The following BMP2 variants were observed in gnomAD, a reference collection of about 807,000 sequenced individuals.
The protein encoded by BMP2 is bone morphogenetic protein 2A.
BMP2 carries 2 observed loss-of-function variants against 28.8 expected under a neutral mutation model. The observed-to-expected ratio is 0.07, with a 90% CI of 0.03 to 0.22. BMP2 has a LOEUF of 0.22. Among genes scored for constraint, BMP2 ranks in the 10% least tolerant of loss-of-function variants. The pLI is 1.00. For missense variants in BMP2, 437 were observed against 517.7 expected, an observed-to-expected ratio of 0.84 and a Z score of 1.51; for synonymous variants, 218 against 204.3, an observed-to-expected ratio of 1.07 and a Z score of -0.57.
intron 2 of BMP2, among the ~76,000 whole-genome samples, chr20:6,776,666 A>G (rs1986506574): frequency 6.6e-6 from 1 of 152,216 alleles, no homozygotes; most frequent in Non-Finnish European, 1.5e-5. Flanking sequence ...ACGGTGTACA[A>G]GCTGTTTTAT....
chr20:6,779,024 G>A lies in BMP2; in HGVS notation c.1126G>A (p.Glu376Lys), dbSNP rs1356335204. Residue 376 changes from glutamate (E) to lysine (K), a missense_variant, in exon 3 of 3, where the codon GAG becomes AAG. By Grantham distance (56) the Glu-to-Lys change is moderately conservative. Transcript: ENST00000378827. The part of the protein sequence containing the change: ...LSAISMLYLD[E>K]NEKVVLKNYQ... ...TGCTATCTCGATGCTGTACCTTGAC[G>A]AGAATGAAAAGGTTGTATTAAAGAA... 1.2e-6 allele frequency: 2 copies of A among 1,613,562 alleles called. No homozygotes were observed. The highest frequency in any genetic ancestry group is 1.7e-6 in the Non-Finnish European group (2 of 1,179,904).
rs865833966 is a variant in BMP2 at position 6,779,178 on chromosome 20, T to C, written c.*89T>C. Reference sequence around the variant, plus strand: ...AACAAACAAAAAAACCCCACCCCAGTTGACACTTTAATATTTCCCAATGAA... The same window carrying C: ...AACAAACAAAAAAACCCCACCCCAGCTGACACTTTAATATTTCCCAATGAA... On this transcript the variant is annotated 3_prime_UTR_variant, in exon 3 of 3. Coordinates refer to ENST00000378827, the MANE Select transcript of BMP2 (RefSeq NM_001200.4). The C allele has an allele frequency of 1.6e-5, 9 of 576,520 alleles. No individual in the cohort carries two copies. Among genetic ancestry groups the C allele is most frequent in the African/African-American group, 1.4e-4 (7 of 51,024 alleles). 35.7% of individuals were successfully genotyped at this position (576,520 alleles called of 1,614,324 possible).
chr20:6,769,925 G>A (rs1422231356), intron 1 of BMP2, among the ~76,000 whole-genome samples, 195 bp from the exon 2 acceptor site: 1 of 152,146 alleles, frequency 6.6e-6, no homozygotes, highest in East Asian at 1.9e-4. Context: ...TAAATCATCT[G>A]GTTCAGGAAC....
intron 2 of BMP2, 81 bp downstream of exon 2, chr20:6,770,553 A>G (rs879290387): frequency 1.4e-4 from 197 of 1,389,188 alleles, no homozygotes; most frequent in Non-Finnish European, 1.9e-4. Flanking sequence ...CCGTCCCTGT[A>G]GAGGCAGCTT....
rs775995068 is a variant in BMP2, at chr20:6,778,290, G to T, written c.392G>T (p.Arg131Ile). 3.3e-5 allele frequency: 53 copies of T among 1,609,236 alleles called. No individual in the cohort carries two copies. The highest frequency in any genetic ancestry group is 4.4e-5 in the Non-Finnish European group (52 of 1,178,344). Residue 131 changes from arginine to isoleucine, a missense_variant, in exon 3 of 3, where the codon AGA becomes ATA. Physicochemically the swap from Arg to Ile is moderately conservative, Grantham distance 97 (BLOSUM62 -3). This residue lies in a region of BMP2 where 363 missense variants were observed against 392.8 expected (regional missense o/e 0.92). Coordinates refer to ENST00000378827, the MANE Select transcript of BMP2 (RefSeq NM_001200.4). This position sits in a 1 kb window ranked among gnomAD's most constrained non-coding sequence, Gnocchi z 5.0. ...LPETSGKTTR[R>I]FFFNLSSIPT... ...GAAACGAGTGGGAAAACAACCCGGA[G>T]ATTCTTCTTTAATTTAAGTTCTATC...
rs563647861 is a variant in BMP2, at chr20:6,768,745, G to A, written c.-138G>A. On this transcript the variant is annotated 5_prime_UTR_variant, in exon 1 of 3. Coordinates refer to ENST00000378827, the MANE Select transcript of BMP2 (RefSeq NM_001200.4). ...ACTGCGCGGCCGGCACCCGGGAGAA[G>A]GAGGAGGCAAAGAAAAGGAACGGAC... 50 of 398,248 alleles carry A rather than the reference G, an allele frequency of 1.3e-4. No homozygotes were observed. The highest frequency in any genetic ancestry group is 8.4e-4 in the African/African-American group (41 of 48,742). The allele number at this position is 398,248 out of a possible 1,614,324, so 24.7% of individuals were successfully genotyped here. A position where few individuals can be genotyped will look rare whatever the true frequency, so the allele number is the denominator to read the frequency against.
At chr20:6,775,698 A>G (rs1016738013) in intron 2 of BMP2, among the ~76,000 whole-genome samples, 3 of 152,014 alleles carry the variant, frequency 2.0e-5, no homozygotes, top group Non-Finnish European at 4.4e-5. Context: ...ATTCTATTTC[A>G]TACCTTTTTT....
At chr20:6,777,982 G>A (rs1178340510) in intron 2 of BMP2, among the ~76,000 whole-genome samples, 1 of 151,352 alleles carries the variant, frequency 6.6e-6, no homozygotes, top group African/African-American at 2.4e-5. Context: ...TCATGTATTA[G>A]ATCAAAAACA....
At chr20:6,777,267 G>A (rs1986518728) in intron 2 of BMP2, among the ~76,000 whole-genome samples, 1 of 152,114 alleles carries the variant, frequency 6.6e-6, no homozygotes, top group Non-Finnish European at 1.5e-5. Flanking sequence ...AATAATGATA[G>A]TGGATATAGA....
Position 6,770,379 on chromosome 20 carries a change from A to C in BMP2, c.253A>C (p.Arg85=), listed in dbSNP as rs369386883. ...CCCCTACATGCTAGACCTGTATCGC[A>C]GGCACTCAGGTCAGCCGGGCTCACC... The part of the protein sequence containing the change: ...VPPYMLDLYR[R]HSGQPGSPAP... The change falls in exon 2 of 3, where the codon AGG becomes CGG. Residue 85 remains arginine, a synonymous_variant. Coordinates refer to ENST00000378827, the MANE Select transcript of BMP2 (RefSeq NM_001200.4). 6.2e-7 allele frequency: 1 copy of C among 1,613,246 alleles called. No homozygotes were observed. Among genetic ancestry groups the C allele is most frequent in the South Asian group, 1.1e-5 (1 of 91,084 alleles).
At chr20:6,777,055 A>G (rs928822806) in intron 2 of BMP2, among the ~76,000 whole-genome samples, 2 of 152,206 alleles carry the variant, frequency 1.3e-5, no homozygotes, top group Non-Finnish European at 2.9e-5. Context: ...AATAAAATAA[A>G]CTTAAATGTC....
chr20:6,767,811 C>T lies in BMP2; in HGVS notation c.-1072C>T, dbSNP rs1276574134. On this transcript the variant is annotated 5_prime_UTR_variant, in exon 1 of 3. Coordinates refer to ENST00000378827, the MANE Select transcript of BMP2 (RefSeq NM_001200.4). The stretch of plus-strand genomic sequence containing the variant: ...GGCAGCCGCCGCCGCACATCTGCCG[C>T]CACAGCCTCCGCCGGCTACCCGAAC... The T allele has an allele frequency of 1.2e-5, 4 of 322,574 alleles. No individual in the cohort carries two copies. Among genetic ancestry groups the T allele is most frequent in the African/African-American group, 8.7e-5 (4 of 45,840 alleles). The allele number at this position is 322,574 out of a possible 1,614,324, so 20.0% of individuals were successfully genotyped here. A position where few individuals can be genotyped will look rare whatever the true frequency, so the allele number is the denominator to read the frequency against.
At position 6,768,193 on chromosome 20, in the gene BMP2, T is replaced by G; in HGVS notation, c.-690T>G. 2 of 397,574 alleles carry G rather than the reference T, an allele frequency of 5.0e-6. No individual in the cohort carries two copies. Among genetic ancestry groups the G allele is most frequent in the Non-Finnish European group, 4.4e-6 (1 of 225,730 alleles). 24.6% of individuals were successfully genotyped at this position (397,574 alleles called of 1,614,324 possible). A position where few individuals can be genotyped will look rare whatever the true frequency, so the allele number is the denominator to read the frequency against. ...GGACTCGGCTCGACTCGCCGGAGAA[T>G]GCGCCCGAGGACGACGGGGCGCCAG... On this transcript the variant is annotated 5_prime_UTR_variant, in exon 1 of 3. The change abolishes an upstream ATG in the 5' untranslated region. Coordinates refer to ENST00000378827, the MANE Select transcript of BMP2 (RefSeq NM_001200.4).
At position 6,770,402 on chromosome 20, in the gene BMP2, A is replaced by G. The variant is rs751609144; in HGVS notation, c.276A>G (p.Ser92=). ...GCAGGCACTCAGGTCAGCCGGGCTC[A>G]CCCGCCCCAGACCACCGGTTGGAGA... The part of the protein sequence containing the change: ...LYRRHSGQPG[S]PAPDHRLERA... Residue 92 remains serine (S), a synonymous_variant, in exon 2 of 3, where the codon TCA becomes TCG. Transcript: ENST00000378827. 6.2e-7 allele frequency: 1 copy of G among 1,611,122 alleles called. No homozygotes were observed. The highest frequency in any genetic ancestry group is 8.5e-7 in the Non-Finnish European group (1 of 1,179,058).
At position 6,779,023 on chromosome 20, in the gene BMP2, C is replaced by T. The variant is rs374701917; in HGVS notation, c.1125C>T (p.Asp375=). 4.6e-5 allele frequency: 74 copies of T among 1,613,228 alleles called. No individual in the cohort carries two copies. In the African/African-American group the frequency reaches 5.9e-4, roughly 13 times the overall value. ...ELSAISMLYL[D]ENEKVVLKNY... is the part of the protein sequence containing the mutation. ...GTGCTATCTCGATGCTGTACCTTGA[C>T]GAGAATGAAAAGGTTGTATTAAAGA... The change falls in exon 3 of 3, where the codon GAC becomes GAT. Residue 375 remains aspartate, a synonymous_variant. Coordinates refer to ENST00000378827, the MANE Select transcript of BMP2 (RefSeq NM_001200.4).
intron 2 of BMP2, among the ~76,000 whole-genome samples, chr20:6,774,660 G>T (rs983163699): frequency 1.3e-5 from 2 of 152,160 alleles, no homozygotes; most frequent in African/African-American, 4.8e-5. Flanking sequence ...AACTGCAACT[G>T]TTTCATTTAC....
chr20:6,774,621 G>C (rs1404208792), intron 2 of BMP2, among the ~76,000 whole-genome samples: 1 of 152,174 alleles, frequency 6.6e-6, no homozygotes, highest in Admixed American at 6.5e-5. Flanking sequence ...CTAGCTCTGT[G>C]ACCTTAGGAA....
At chr20:6,770,567 C>T in intron 2 of BMP2, 95 bp downstream of exon 2, 1 of 1,253,390 alleles carries the variant, frequency 8.0e-7, no homozygotes, top group Non-Finnish European at 1.1e-6. Context: ...GCAGCTTGGC[C>T]GGGGCACCAG....
intron 2 of BMP2, among the ~76,000 whole-genome samples, chr20:6,772,691 C>A (rs60070612): frequency 6.6e-6 from 1 of 152,072 alleles, no homozygotes; most frequent in Non-Finnish European, 1.5e-5. Context: ...TAGGTGTGAT[C>A]GAATGGTTTG....
Sources: allele counts gnomAD v4.1 joint callset (sites outside exome capture counted in the v4.1 genomes callset), GRCh38; gene constraint gnomAD v4.1.1; regional missense constraint gnomAD v4.1.1; non-coding constraint Gnocchi (gnomAD v3.1); transcripts MANE v1.5; gene names NCBI Gene and HGNC (gene_info 2026-07-23, HGNC 2026-07-21).